Variants in CLTCL1 observed in about 807,000 individuals in gnomAD.
CLTCL1 encodes clathrin heavy chain like 1.
In CLTCL1, 159 loss-of-function variants were observed where a neutral mutation model predicts 190.0. The observed-to-expected ratio is 0.84, with a 90% CI of 0.74 to 0.95. The LOEUF is 0.95. Ranked by LOEUF, CLTCL1 falls within the 40% of genes least tolerant of loss-of-function variation. The pLI, the probability that CLTCL1 is intolerant of heterozygous loss-of-function variation, is 0.00. For missense variants in CLTCL1, 1,878 were observed against 2,033.4 expected (o/e 0.92, Z 1.47); for synonymous variants, 752 against 769.6 (o/e 0.98, Z 0.38).
Position 19,188,030 on chromosome 22 carries a change from C to T in CLTCL1, c.4385G>A (p.Ser1462Asn), listed in dbSNP as rs1555929332. The T allele has an allele frequency of 6.2e-7, 1 of 1,613,948 alleles. No homozygotes were observed. Among genetic ancestry groups the T allele is most frequent in the East Asian group, 2.2e-5 (1 of 44,896 alleles). ...CAGGTGGTTGAGTGCCTCATTCACACTCTTGTTGTTGTGGCTCTGGACTGA... is the reference window on the plus strand; with the variant it reads ...CAGGTGGTTGAGTGCCTCATTCACATTCTTGTTGTTGTGGCTCTGGACTGA... Reference protein sequence around the residue: ...LRSVQSHNNKSVNEALNHLLT... With the variant: ...LRSVQSHNNKNVNEALNHLLT... Residue 1462 changes from serine (S) to asparagine (N), a missense_variant, in exon 28 of 33, where the codon AGT (serine) becomes AAT (asparagine). Ser to Asn is a conservative substitution (Grantham distance 46, BLOSUM62 1). Coordinates refer to ENST00000427926, the MANE Select transcript of CLTCL1 (RefSeq NM_007098.4).
chr22:19,265,191 G>A (rs1052503401), intron 2 of CLTCL1, among the ~76,000 whole-genome samples: 1 of 152,172 alleles, frequency 6.6e-6, no homozygotes, highest in Non-Finnish European at 1.5e-5. Context: ...ATCAACTTAA[G>A]TTTAAACTAT....
chr22:19,220,026 T>C lies in CLTCL1; in HGVS notation c.2797-19A>G, dbSNP rs782079446. ...TGCACACCTGAAATGAGCACACTCA[T>C]GTGTGTGACACAGCAGCCAACCAGC... On this transcript the variant is annotated intron_variant, in intron 17 of 32. Coordinates refer to ENST00000427926, the MANE Select transcript of CLTCL1 (RefSeq NM_007098.4). 3 of 1,613,274 alleles carry C rather than the reference T, an allele frequency of 1.9e-6. No individual in the cohort carries two copies. Among genetic ancestry groups the C allele is most frequent in the African/African-American group, 1.3e-5 (1 of 74,612 alleles).
At chr22:19,217,672 AC>A (rs1555950295) in intron 18 of CLTCL1, among the ~76,000 whole-genome samples, 1 of 147,896 alleles carries the variant, frequency 6.8e-6, no homozygotes, top group East Asian at 2.0e-4. Flanking sequence ...ACATAGTGAA[AC>A]CCCATCTCTA....
At chr22:19,288,612 C>CG (rs1331368807) in intron 1 of CLTCL1, among the ~76,000 whole-genome samples, 1 of 152,258 alleles carries the variant, frequency 6.6e-6, no homozygotes, top group Non-Finnish European at 1.5e-5. Context: ...CCTGAGTCCA[C>CG]ATTCAGTGCC....
At chr22:19,185,570 C>A (rs2084289584) in intron 29 of CLTCL1, among the ~76,000 whole-genome samples, 1 of 152,176 alleles carries the variant, frequency 6.6e-6, no homozygotes, top group African/African-American at 2.4e-5. Flanking sequence ...CTGTGATCCG[C>A]CCGCCTCGGC....
At chr22:19,232,767 G>C in intron 9 of CLTCL1, 169 bp from the exon 10 acceptor site, 3 of 868,456 alleles carry the variant, frequency 3.5e-6, no homozygotes, top group Non-Finnish European at 5.1e-6. Context: ...TAAATGAATT[G>C]ATTTAATGTA....
intron 20 of CLTCL1, among the ~76,000 whole-genome samples, chr22:19,209,808 A>G (rs1296844612): frequency 6.6e-6 from 1 of 152,218 alleles, no homozygotes; most frequent in African/African-American, 2.4e-5. Flanking sequence ...ATAGACTGGA[A>G]AGAAAGGGAT....
intron 11 of CLTCL1, among the ~76,000 whole-genome samples, chr22:19,227,683 G>T (rs2085793924): frequency 6.6e-6 from 1 of 152,062 alleles, no homozygotes; most frequent in Admixed American, 6.5e-5. Context: ...TCGATCTCTT[G>T]ACCATGTGAT....
At chr22:19,260,741 T>C (rs2086914806) in intron 2 of CLTCL1, among the ~76,000 whole-genome samples, 1 of 129,376 alleles carries the variant, frequency 7.7e-6, no homozygotes, top group Non-Finnish European at 1.5e-5. Flanking sequence ...ATCGTGCCAC[T>C]GCACTCCAGC....
At chr22:19,247,297 T>G (rs1370715894) in intron 3 of CLTCL1, among the ~76,000 whole-genome samples, 1 of 152,136 alleles carries the variant, frequency 6.6e-6, no homozygotes, top group Non-Finnish European at 1.5e-5. Flanking sequence ...CAAAAATCAA[T>G]TGGCCACAGA....
rs563436981 is a variant in CLTCL1 at position 19,242,929 on chromosome 22, C to G, written c.527G>C (p.Arg176Pro). 1.2e-6 allele frequency: 2 copies of G among 1,612,308 alleles called. No individual in the cohort carries two copies. Among genetic ancestry groups the G allele is most frequent in the African/African-American group, 2.7e-5 (2 of 74,830 alleles). ...GTAGAGCTGCATTGCTCCAACCACA[C>G]GGTTTTGCTAAGAAAAGATATTATG... ...LLVGISAQQN[R>P]VVGAMQLYSV... The change falls in exon 4 of 33, where the codon CGT (arginine) becomes CCT (proline). Residue 176 changes from arginine (R) to proline (P), a missense_variant. Arg to Pro is a moderately radical substitution (Grantham distance 103). Transcript: ENST00000427926.
rs61053700 is a variant in CLTCL1 at position 19,216,864 on chromosome 22, C to A, written c.2920-608G>T. 9.4e-3 allele frequency among the ~76,000 whole-genome samples: 1,428 copies of A among 152,358 alleles called. 34 individuals carry two copies. Among genetic ancestry groups the A allele is most frequent in the East Asian group, 0.069 (356 of 5,190 alleles). ...GCAACAGCAGTTTGGAACGCCAGCA[C>A]TGTTCTCTTTGCACTTTGGACCAGG... On this transcript the variant is annotated intron_variant, in intron 18 of 32. Coordinates refer to ENST00000427926, the MANE Select transcript of CLTCL1 (RefSeq NM_007098.4).
rs548139590 is a variant in CLTCL1, at chr22:19,209,089, A to C, written c.3275T>G (p.Leu1092Arg). Residue 1092 changes from leucine (L) to arginine (R), a missense_variant, in exon 21 of 33, where the codon CTG (leucine) becomes CGG (arginine). By Grantham distance (102) the Leu-to-Arg change is moderately radical. Transcript: ENST00000427926. ...IQVLIEHIGN[L>R]DRAYEFAERC... is the part of the protein sequence containing the mutation. ...CTCCGCAAACTCATATGCCCGGTCCAGGTTTCCAATGTGCTCGATCAGGAC... is the reference window on the plus strand; with the variant it reads ...CTCCGCAAACTCATATGCCCGGTCCCGGTTTCCAATGTGCTCGATCAGGAC... 4.4e-6 allele frequency: 7 copies of C among 1,606,884 alleles called. No individual in the cohort carries two copies. The African/African-American group carries it at 9.4e-5, about 21-fold the overall frequency.
chr22:19,208,683 T>G (rs995528445), intron 21 of CLTCL1, among the ~76,000 whole-genome samples: 5 of 151,762 alleles, frequency 3.3e-5, no homozygotes, highest in African/African-American at 1.2e-4. Context: ...TATTGAGATA[T>G]CTAGTGTGCT....
intron 2 of CLTCL1, among the ~76,000 whole-genome samples, chr22:19,271,643 A>G (rs1307402811): frequency 6.6e-6 from 1 of 152,160 alleles, no homozygotes; most frequent in Non-Finnish European, 1.5e-5. Context: ...ATCCTGTCTC[A>G]GGTAGTTCTT....
In CLTCL1 at chr22:19,201,344, G is replaced by C. The variant is rs1225972429; in HGVS notation, c.3750C>G (p.Thr1250=). ...AVDNSRKASS[T]RTWKEVCFAC... is the part of the protein sequence containing the mutation. ...CGCAGCTCACCTCCTTCCACGTCCG[G>C]GTGCTGCTGGCCTTGCGGCTGTTGT... is the stretch of plus-strand genomic sequence containing the variant. The change falls in exon 23 of 33, where the codon ACC becomes ACG. Residue 1250 remains threonine (T), a synonymous_variant. Coordinates refer to ENST00000427926, the MANE Select transcript of CLTCL1 (RefSeq NM_007098.4). The C allele has an allele frequency of 1.2e-6, 2 of 1,612,188 alleles. No homozygotes were observed. Among genetic ancestry groups the C allele is most frequent in the Non-Finnish European group, 1.7e-6 (2 of 1,179,456 alleles).
At chr22:19,224,120 C>A in intron 13 of CLTCL1, 66 bp from the exon 14 acceptor site, 1 of 1,555,340 alleles carries the variant, frequency 6.4e-7, no homozygotes, top group Non-Finnish European at 8.8e-7. Context: ...TAGCTGCTGC[C>A]CACCTTCCCT....
intron 1 of CLTCL1, among the ~76,000 whole-genome samples, chr22:19,280,818 CAAAAAAAAAA>C (rs35797654): frequency 1.7e-5 from 1 of 59,458 alleles, no homozygotes; most frequent in Non-Finnish European, 3.2e-5. Context: ...GACTCCATCT[CAAAAAAAAAA>C]AAAAAAAAAA....
chr22:19,245,483 C>A (rs1329445526), intron 3 of CLTCL1, among the ~76,000 whole-genome samples: 1 of 152,120 alleles, frequency 6.6e-6, no homozygotes, highest in Non-Finnish European at 1.5e-5. Flanking sequence ...TAAGCCACCA[C>A]ACCTGGCTTC....
Sources: gnomAD v4.1 joint callset for allele counts (sites outside exome capture counted in the v4.1 genomes callset) on GRCh38, gnomAD v4.1.1 for gene constraint, MANE v1.5 for transcripts, NCBI Gene and HGNC (gene_info 2026-07-23, HGNC 2026-07-21) for gene names.